SSH2: variants seen among roughly 807,000 people sequenced by gnomAD.
SSH2 encodes the protein slingshot protein phosphatase 2.
Under a neutral mutation model 135.2 loss-of-function variants are expected in SSH2, and 37 were observed. The ratio of observed to expected loss-of-function variants is 0.27; its 90% CI spans 0.21 to 0.36. SSH2 has a LOEUF of 0.36. Ranked by LOEUF, SSH2 falls within the 10% of genes least tolerant of loss-of-function variation. SSH2 has a pLI of 1.00. For synonymous variants in SSH2, 628 were observed against 646.2 expected (o/e 0.97, Z 0.43); for missense variants, 1,408 against 1,765.3 (o/e 0.80, Z 3.63).
At chr17:29,885,348 TA>T (rs72403205) in intron 1 of SSH2, among the ~76,000 whole-genome samples, 37,075 of 126,570 alleles carry the variant, frequency 0.29, 5,090 homozygotes, top group African/African-American at 0.33. Context: ...TATTGTATCA[TA>T]AAAAAAAAAA....
intron 14 of SSH2, chr17:29,643,413 CTTT>C (rs34985622): frequency 2.8e-3 from 518 of 182,202 alleles, no homozygotes; most frequent in Middle Eastern, 5.4e-3. Flanking sequence ...TGTGAATACG[CTTT>C]TTTTTTTTTT....
chr17:29,897,958 C>T (rs560820811), intron 1 of SSH2, among the ~76,000 whole-genome samples: 2 of 152,248 alleles, frequency 1.3e-5, no homozygotes, highest in South Asian at 4.2e-4. Context: ...CAACCTGGAA[C>T]TCGGGATCAA....
chr17:29,681,337 A>C (rs2037979625), intron 6 of SSH2, among the ~76,000 whole-genome samples: 1 of 147,664 alleles, frequency 6.8e-6, no homozygotes, highest in African/African-American at 2.5e-5. Context: ...GTCTCAAAAA[A>C]AAAAAAAAAA....
intron 2 of SSH2, among the ~76,000 whole-genome samples, chr17:29,807,501 A>T (rs1419815019): frequency 6.6e-6 from 1 of 152,232 alleles, no homozygotes; most frequent in African/African-American, 2.4e-5. Context: ...AAACAGTACC[A>T]TACTCAAGGA....
rs560087831 is a variant in SSH2 at position 29,636,395 on chromosome 17, A to C, written c.1835T>G (p.Met612Arg). 1.2e-6 allele frequency: 2 copies of C among 1,614,182 alleles called. No homozygotes were observed. The highest frequency in any genetic ancestry group is 2.7e-5 in the African/African-American group (2 of 75,030). The part of the protein sequence containing the change: ...ALIQPGHVPE[M>R]ANKFPDLTVE... The stretch of plus-strand genomic sequence containing the variant: ...TGTTAAGTCTGGAAACTTGTTGGCC[A>C]TTTCTGGGACATGTCCAGGCTGAAT... The change falls in exon 15 of 16, where the codon ATG becomes AGG. Residue 612 changes from methionine to arginine, a missense_variant. Physicochemically the swap from Met to Arg is moderately conservative, Grantham distance 91. Transcript: ENST00000540801.
In SSH2 at chr17:29,861,710, C is replaced by T. The variant is rs538904152; in HGVS notation, c.64-12781G>A. On this transcript the variant is annotated intron_variant, in intron 1 of 15. Transcript: ENST00000540801. ...TCCCAAGTAGCTGGGACTACAGGCA[C>T]CCGCCACCATGCTCGGCTTTGTATT... Among the ~76,000 whole-genome samples, 17 of 152,210 alleles carry T rather than the reference C, an allele frequency of 1.1e-4. No individual in the cohort carries two copies. In the South Asian group the frequency reaches 1.7e-3, roughly 15 times the overall value.
chr17:29,876,617 G>A (rs777122697), intron 1 of SSH2, among the ~76,000 whole-genome samples: 12 of 151,134 alleles, frequency 7.9e-5, no homozygotes, highest in Non-Finnish European at 1.0e-4. Context: ...ACATACATTG[G>A]GGAAAAGACA....
At chr17:29,679,235 C>A (rs1272260438) in intron 6 of SSH2, among the ~76,000 whole-genome samples, 2 of 151,990 alleles carry the variant, frequency 1.3e-5, no homozygotes, top group African/African-American at 4.8e-5. Context: ...ATGCTCCATG[C>A]CAATCTATCT....
intron 5 of SSH2, among the ~76,000 whole-genome samples, chr17:29,693,184 G>A (rs1035418559): frequency 6.6e-6 from 1 of 151,350 alleles, no homozygotes; most frequent in African/African-American, 2.4e-5. Context: ...CTGGGCTCAA[G>A]CGATCCTCCT....
At chr17:29,830,021 A>C (rs996991033) in intron 2 of SSH2, among the ~76,000 whole-genome samples, 3 of 151,768 alleles carry the variant, frequency 2.0e-5, no homozygotes, top group Admixed American at 2.0e-4. Flanking sequence ...TTGTATTTTT[A>C]GTAGAGATGG....
At chr17:29,918,583 CT>C (rs1259886024) in intron 1 of SSH2, among the ~76,000 whole-genome samples, 1 of 152,228 alleles carries the variant, frequency 6.6e-6, no homozygotes, top group African/African-American at 2.4e-5. Context: ...ACTGTACTGC[CT>C]GTGGTTCCCA....
In SSH2 at chr17:29,648,284, G is replaced by A. The variant is rs375470590; in HGVS notation, c.1287C>T (p.Thr429=). ...ATTCCTTCATTGCATAGGCAATCACGGTGGAGGCTGAGCGACTCACCCCCA... is the reference window on the plus strand; with the variant it reads ...ATTCCTTCATTGCATAGGCAATCACAGTGGAGGCTGAGCGACTCACCCCCA... ...CKMGVSRSAS[T]VIAYAMKEYG... Residue 429 remains threonine (T), a synonymous_variant, in exon 14 of 16, where the codon ACC becomes ACT. Coordinates refer to ENST00000540801, the MANE Select transcript of SSH2 (RefSeq NM_001282129.2). 6.8e-6 allele frequency: 11 copies of A among 1,614,040 alleles called. No homozygotes were observed. Among genetic ancestry groups the A allele is most frequent in the African/African-American group, 5.3e-5 (4 of 74,924 alleles).
chr17:29,855,063 G>C (rs947099938), intron 1 of SSH2, among the ~76,000 whole-genome samples: 1 of 152,188 alleles, frequency 6.6e-6, no homozygotes, highest in Non-Finnish European at 1.5e-5. Flanking sequence ...ATGGTTTTAA[G>C]AGGCAGAGAA....
chr17:29,870,566 G>T (rs760509174), intron 1 of SSH2, among the ~76,000 whole-genome samples: 6 of 152,046 alleles, frequency 3.9e-5, no homozygotes, highest in Non-Finnish European at 8.8e-5. Context: ...ACAAAAGAAC[G>T]TCTTTAGCCT....
intron 1 of SSH2, among the ~76,000 whole-genome samples, chr17:29,872,961 A>C (rs1032970367): frequency 2.0e-5 from 3 of 151,704 alleles, no homozygotes; most frequent in African/African-American, 7.3e-5. Context: ...ACACCACTGC[A>C]CTCCAGCCTG....
rs773467764 is a variant in SSH2, at chr17:29,631,497, A to G, written c.3697T>C (p.Leu1233=). 6.2e-7 allele frequency: 1 copy of G among 1,614,096 alleles called. No individual in the cohort carries two copies. Among genetic ancestry groups the G allele is most frequent in the Non-Finnish European group, 8.5e-7 (1 of 1,179,992 alleles). The change falls in exon 16 of 16, where the codon TTG becomes CTG. Residue 1233 remains leucine, a synonymous_variant. Coordinates refer to ENST00000540801, the MANE Select transcript of SSH2 (RefSeq NM_001282129.2). ...TGTGGGAGTCGACAGGCTACAGGCAATGGGTCCATTTTCTCCTGTAACTCC... is the reference window on the plus strand; with the variant it reads ...TGTGGGAGTCGACAGGCTACAGGCAGTGGGTCCATTTTCTCCTGTAACTCC... ...TGELQEKMDP[L]PVACRLPHSS...
At chr17:29,925,189 A>G (rs1331854611) in intron 1 of SSH2, 1 of 188,708 alleles carries the variant, frequency 5.3e-6, no homozygotes, top group African/African-American at 2.3e-5. Flanking sequence ...CACTCTGAAA[A>G]GTATAGGGCA....
intron 6 of SSH2, among the ~76,000 whole-genome samples, chr17:29,678,924 A>T (rs1006823415): frequency 6.6e-6 from 1 of 152,004 alleles, no homozygotes; most frequent in Non-Finnish European, 1.5e-5. Context: ...CATGTTGACT[A>T]GGCTGGTCTC....
chr17:29,777,685 T>TC (rs1430950021), intron 3 of SSH2: 1 of 162,944 alleles, frequency 6.1e-6, no homozygotes, highest in Non-Finnish European at 1.4e-5. Flanking sequence ...AGCAGCCTCC[T>TC]TGGTGGTGTT....
Sources: gnomAD v4.1 joint callset for allele counts (sites outside exome capture counted in the v4.1 genomes callset) on GRCh38, gnomAD v4.1.1 for gene constraint, MANE v1.5 for transcripts, NCBI Gene and HGNC (gene_info 2026-07-23, HGNC 2026-07-21) for gene names.